The following CYP19A1 variants were observed in gnomAD, a reference collection of about 807,000 sequenced individuals.
CYP19A1 encodes cytochrome P450 family 19 subfamily A member 1.
In CYP19A1, 32 loss-of-function variants were observed where a neutral mutation model predicts 44.4. The ratio of observed to expected loss-of-function variants is 0.72; its 90% confidence interval spans 0.54 to 0.97. The LOEUF (loss-of-function observed/expected upper bound fraction) is 0.97, where lower values mean the gene tolerates loss of function less well. Ranked by LOEUF, CYP19A1 falls within the 50% of genes least tolerant of loss-of-function variation. The pLI, the probability that CYP19A1 is intolerant of heterozygous loss-of-function variation, is 0.00. For missense variants in CYP19A1, 598 were observed against 637.8 expected (o/e 0.94, Z 0.67); for synonymous variants, 212 against 215.6 (o/e 0.98, Z 0.14).
intron 1 of CYP19A1, among the ~76,000 whole-genome samples, chr15:51,316,926 G>A (rs1340489874): frequency 6.6e-6 from 1 of 152,028 alleles, no homozygotes; most frequent in Non-Finnish European, 1.5e-5. Context: ...TCCTTTGCTG[G>A]CTAAATGAGA....
intron 1 of CYP19A1, among the ~76,000 whole-genome samples, chr15:51,326,968 T>C (rs1283093428): frequency 6.6e-6 from 1 of 152,148 alleles, no homozygotes; most frequent in Non-Finnish European, 1.5e-5. Context: ...GTGGGGAAAG[T>C]CTGGGGTCAA....
chr15:51,269,374 C>A (rs1268457498), intron 1 of CYP19A1, among the ~76,000 whole-genome samples: 1 of 151,932 alleles, frequency 6.6e-6, no homozygotes, highest in African/African-American at 2.4e-5. Context: ...TTCCATTAAT[C>A]TATATGTTTA....
intron 1 of CYP19A1, among the ~76,000 whole-genome samples, chr15:51,261,253 G>C (rs577712100): frequency 6.6e-6 from 1 of 152,164 alleles, no homozygotes. Context: ...AATCTGTGAG[G>C]CCAAGAACCC....
intron 8 of CYP19A1, among the ~76,000 whole-genome samples, chr15:51,212,811 A>G (rs1390903531): frequency 6.6e-6 from 1 of 152,224 alleles, no homozygotes; most frequent in East Asian, 1.9e-4. Context: ...CTGAATGTCC[A>G]GAAAATTTGG....
intron 2 of CYP19A1, among the ~76,000 whole-genome samples, chr15:51,240,777 T>G (rs1333611065): frequency 6.6e-6 from 1 of 152,182 alleles, no homozygotes; most frequent in East Asian, 1.9e-4. Flanking sequence ...TCCCCCTACA[T>G]TCCCACTTTC....
Position 51,242,953 on chromosome 15 carries a change from G to A in CYP19A1, c.-38-3C>T, listed in dbSNP as rs1453775510. The A allele has an allele frequency of 2.0e-6, 3 of 1,495,844 alleles. No individual in the cohort carries two copies. The highest frequency in any genetic ancestry group is 1.7e-4 in the Middle Eastern group (1 of 5,870). The allele number at this position is 1,495,844 out of a possible 1,614,324, so 92.7% of individuals were successfully genotyped here. A position where few individuals can be genotyped will look rare whatever the true frequency, so the allele number is the denominator to read the frequency against. ...CTCAGAGGGGGCAATTTAGAGTCCTGTGGAAATCAAAGGGACAGAAAAATT... is the reference window on the plus strand; with the variant it reads ...CTCAGAGGGGGCAATTTAGAGTCCTATGGAAATCAAAGGGACAGAAAAATT... On this transcript the variant is annotated splice_polypyrimidine_tract_variant and splice_region_variant and intron_variant, in intron 1 of 9. Coordinates refer to ENST00000396402, the MANE Select transcript of CYP19A1 (RefSeq NM_000103.4).
intron 8 of CYP19A1, among the ~76,000 whole-genome samples, chr15:51,214,864 CA>C (rs1242510135): frequency 6.6e-6 from 1 of 152,162 alleles, no homozygotes; most frequent in African/African-American, 2.4e-5. Context: ...TCCCAATGAG[CA>C]TGCATCATTT....
chr15:51,330,024 G>A (rs1420188651), intron 1 of CYP19A1, among the ~76,000 whole-genome samples: 1 of 152,156 alleles, frequency 6.6e-6, no homozygotes, highest in Non-Finnish European at 1.5e-5. Context: ...AATAAAGTCA[G>A]CCAGTCAGAG....
chr15:51,253,679 GT>G (rs1261769188), intron 1 of CYP19A1, among the ~76,000 whole-genome samples: 5 of 152,086 alleles, frequency 3.3e-5, no homozygotes, highest in Non-Finnish European at 5.9e-5. Flanking sequence ...CCTTCAACTT[GT>G]TCTCCCTCCT....
intron 3 of CYP19A1, among the ~76,000 whole-genome samples, chr15:51,235,465 C>T (rs2033332055): frequency 6.6e-6 from 1 of 152,146 alleles, no homozygotes; most frequent in South Asian, 2.1e-4. Flanking sequence ...TCACAATGAA[C>T]CCAATGAAAT....
intron 3 of CYP19A1, 49 bp downstream of exon 3, chr15:51,236,810 A>C (rs776647878): frequency 1.2e-6 from 2 of 1,610,738 alleles, no homozygotes; most frequent in Admixed American, 3.3e-5. Flanking sequence ...AGTGGAAAAA[A>C]CTCCAGCCTC....
At chr15:51,327,684 T>C (rs2036633779) in intron 1 of CYP19A1, among the ~76,000 whole-genome samples, 2 of 152,102 alleles carry the variant, frequency 1.3e-5, no homozygotes, top group Non-Finnish European at 2.9e-5. Context: ...CAGGCACTAG[T>C]TCAGTTGAAA....
intron 3 of CYP19A1, among the ~76,000 whole-genome samples, chr15:51,234,140 T>A (rs577958618): frequency 6.6e-6 from 1 of 151,754 alleles, no homozygotes; most frequent in South Asian, 2.1e-4. Context: ...TCCAATGGGG[T>A]CTTTTCAAGA....
chr15:51,319,698 G>A (rs766340154), intron 1 of CYP19A1, among the ~76,000 whole-genome samples: 2 of 152,206 alleles, frequency 1.3e-5, no homozygotes, highest in Non-Finnish European at 2.9e-5. Flanking sequence ...CTTCTAGGAA[G>A]AATAAGCAGT....
At chr15:51,334,085 G>C (rs1003276967) in intron 1 of CYP19A1, among the ~76,000 whole-genome samples, 1 of 152,170 alleles carries the variant, frequency 6.6e-6, no homozygotes, top group African/African-American at 2.4e-5. Context: ...CTAGCATTCA[G>C]TGTCTGCTCC....
At chr15:51,241,353 A>T (rs977266732) in intron 2 of CYP19A1, among the ~76,000 whole-genome samples, 3 of 152,294 alleles carry the variant, frequency 2.0e-5, no homozygotes, top group African/African-American at 7.2e-5. Flanking sequence ...CAGGAACAGA[A>T]ATGTTAACAA....
Position 51,334,597 on chromosome 15 carries a change from A to G in CYP19A1, c.-39+3898T>C, listed in dbSNP as rs74016712. 6.9e-3 allele frequency among the ~76,000 whole-genome samples: 1,050 copies of G among 152,260 alleles called. 14 individuals are homozygous for G. Among genetic ancestry groups the G allele is most frequent in the African/African-American group, 0.024 (996 of 41,546 alleles). On this transcript the variant is annotated intron_variant, in intron 1 of 9. Coordinates refer to ENST00000396402, the MANE Select transcript of CYP19A1 (RefSeq NM_000103.4). ...CTCTTAGAGCTTCCTTTACATTTTC[A>G]TTGTTTCTGAAAACAATCACTTTTT... is the stretch of plus-strand genomic sequence containing the variant.
chr15:51,237,259 T>A (rs980646339), intron 2 of CYP19A1, among the ~76,000 whole-genome samples: 1 of 152,228 alleles, frequency 6.6e-6, no homozygotes, highest in Non-Finnish European at 1.5e-5. Context: ...TTATTTGGTC[T>A]CAATCATTTC....
chr15:51,334,369 C>T (rs1477870565), intron 1 of CYP19A1, among the ~76,000 whole-genome samples: 2 of 152,178 alleles, frequency 1.3e-5, no homozygotes, highest in Non-Finnish European at 2.9e-5. Flanking sequence ...ACCTGCCCTG[C>T]CCCGTTCACA....
Sources: gnomAD v4.1 joint callset for allele counts (sites outside exome capture counted in the v4.1 genomes callset) on GRCh38, gnomAD v4.1.1 for gene constraint, MANE v1.5 for transcripts, NCBI Gene and HGNC (gene_info 2026-07-23, HGNC 2026-07-21) for gene names.